The following FANCD2 variants were observed in gnomAD, a reference collection of about 807,000 sequenced individuals.
FANCD2 encodes FA complementation group D2.
FANCD2 carries 131 observed loss-of-function variants against 192.3 expected under a neutral mutation model. The observed-to-expected ratio is 0.68, with a 90% CI of 0.59 to 0.79. The LOEUF (loss-of-function observed/expected upper bound fraction) is 0.79. Among genes scored for constraint, FANCD2 ranks in the 30% least tolerant of loss-of-function variants. FANCD2 has a pLI of 0.00. For synonymous variants in FANCD2, 524 were observed against 612.5 expected (o/e 0.86, Z 2.13); for missense variants, 1,508 against 1,701.6 (o/e 0.89, Z 2.00).
chr3:10,057,371 CT>C (rs1186883895), intron 18 of FANCD2, among the ~76,000 whole-genome samples: 154 of 141,602 alleles, frequency 1.1e-3, no homozygotes, highest in Non-Finnish European at 9.2e-4. Flanking sequence ...TTCTTTCTTT[CT>C]TTTTTTTTTT....
chr3:10,093,096 C>G (rs965577348), intron 38 of FANCD2, among the ~76,000 whole-genome samples, 189 bp from the exon 39 acceptor site: 3 of 152,176 alleles, frequency 2.0e-5, no homozygotes, highest in African/African-American at 4.8e-5. Context: ...TTGCTCGTCT[C>G]TTCCTTTTCT....
intron 34 of FANCD2, 103 bp downstream of exon 34, chr3:10,087,367 C>T (rs1209222675): frequency 9.0e-7 from 1 of 1,107,884 alleles, no homozygotes; most frequent in Non-Finnish European, 1.3e-6. Flanking sequence ...ACATGTAAAT[C>T]CCCACATAAC....
intron 40 of FANCD2, chr3:10,094,776 A>G (rs1325165645): frequency 3.2e-6 from 1 of 313,512 alleles, no homozygotes; most frequent in Non-Finnish European, 6.1e-6. Flanking sequence ...ACAGTTTTTT[A>G]GCCAATGGCA....
In FANCD2 at chr3:10,067,061, G is replaced by C. The variant is rs3895942; in HGVS notation, c.2386-148G>C. On this transcript the variant is annotated intron_variant, in intron 25 of 43. Transcript: ENST00000675286. ...ATTTTGGGCCAGAGATTTTTTTTCT[G>C]TATACCACGTTGTTGAGGACAGTTC... is the stretch of plus-strand genomic sequence containing the variant. 0.18 allele frequency: 113,815 copies of C among 641,450 alleles called. 12,306 individuals are homozygous for C. Among genetic ancestry groups the C allele is most frequent in the African/African-American group, 0.41 (22,575 of 54,718 alleles). The allele number at this position is 641,450 out of a possible 1,614,324, so 39.7% of individuals were successfully genotyped here. A position where few individuals can be genotyped will look rare whatever the true frequency, so the allele number is the denominator to read the frequency against.
At chr3:10,092,579 C>T (rs995629980) in intron 38 of FANCD2, among the ~76,000 whole-genome samples, 4 of 151,926 alleles carry the variant, frequency 2.6e-5, no homozygotes, top group African/African-American at 9.7e-5. Context: ...CCCTGAATGC[C>T]CTCGTTCTCC....
At position 10,085,862 on chromosome 3, in the gene FANCD2, A is replaced by G. The variant is rs765672800; in HGVS notation, c.3275A>G (p.His1092Arg). The G allele has an allele frequency of 3.1e-6, 5 of 1,613,942 alleles. No individual in the cohort carries two copies. Among genetic ancestry groups the G allele is most frequent in the South Asian group, 2.2e-5 (2 of 91,082 alleles). ...ENQNLLYSAL[H>R]VLSSRLKQGE... Reference sequence around the variant, plus strand: ...CAGAATTTACTGTATTCAGCCCTCCATGTCCTTAGTAGCCGACTGAAACAG... The same window carrying G: ...CAGAATTTACTGTATTCAGCCCTCCGTGTCCTTAGTAGCCGACTGAAACAG... Residue 1092 changes from histidine (H) to arginine (R), a missense_variant, in exon 33 of 44, where the codon CAT becomes CGT. Physicochemically the swap from His to Arg is conservative, Grantham distance 29. Transcript: ENST00000675286.
chr3:10,036,367 A>T (rs745686606), intron 7 of FANCD2, 28 bp downstream of exon 7: 2 of 1,542,398 alleles, frequency 1.3e-6, no homozygotes, highest in Non-Finnish European at 1.8e-6. Flanking sequence ...GGAATGTTCA[A>T]AGTACCCTGA....
rs766748480 is a variant in FANCD2 at position 10,098,691 on chromosome 3, C to T, written c.4186-29C>T. ...TACCCTAAATGTGATCATTATAACC[C>T]ACCATTTTCTTGGTCCATTCACATT... On this transcript the variant is annotated intron_variant, in intron 42 of 43. Transcript: ENST00000675286. The T allele has an allele frequency of 3.1e-6, 5 of 1,613,166 alleles. No homozygotes were observed. In the East Asian group the frequency reaches 1.1e-4, roughly 36 times the overall value.
At chr3:10,031,928 C>G (rs1181161555) in intron 2 of FANCD2, among the ~76,000 whole-genome samples, 1 of 152,108 alleles carries the variant, frequency 6.6e-6, no homozygotes, top group African/African-American at 2.4e-5. Flanking sequence ...CTCACTGCAA[C>G]CTCTGCCTCC....
At chr3:10,077,579 A>G (rs1176209530) in intron 29 of FANCD2, among the ~76,000 whole-genome samples, 1 of 151,980 alleles carries the variant, frequency 6.6e-6, no homozygotes, top group Non-Finnish European at 1.5e-5. Context: ...TTTTTCACCC[A>G]TTGGGAAGTA....
At chr3:10,040,116 C>T in intron 9 of FANCD2, 1 of 435,212 alleles carries the variant, frequency 2.3e-6, no homozygotes, top group Non-Finnish European at 4.1e-6. Context: ...CTCACTGCAA[C>T]CTCCGCCTCC....
chr3:10,054,888 T>G (rs1430494810), intron 18 of FANCD2, among the ~76,000 whole-genome samples: 2 of 151,966 alleles, frequency 1.3e-5, no homozygotes, highest in Non-Finnish European at 2.9e-5. Flanking sequence ...AATATACATG[T>G]GTCATACAAA....
intron 2 of FANCD2, among the ~76,000 whole-genome samples, chr3:10,031,920 C>T (rs2086612504): frequency 6.6e-6 from 1 of 152,138 alleles, no homozygotes; most frequent in Non-Finnish European, 1.5e-5. Context: ...GATCTGGGCT[C>T]ACTGCAACCT....
chr3:10,051,397 AAAAAAAAAAACAAAAAGGAGT>A (rs1469912201), intron 17 of FANCD2, among the ~76,000 whole-genome samples: 2 of 10,452 alleles, frequency 1.9e-4, no homozygotes, highest in African/African-American at 3.1e-3. Flanking sequence ...AAAAAAAAAA[AAAAAAAAAAACAAAAAGGAGT>A]GAGGGATTTA....
intron 38 of FANCD2, among the ~76,000 whole-genome samples, chr3:10,092,714 G>T (rs1694724075): frequency 8.2e-6 from 1 of 121,994 alleles, no homozygotes; most frequent in African/African-American, 3.5e-5. Context: ...TTTTTTTGAG[G>T]CAGGGTCTCA....
intron 18 of FANCD2, among the ~76,000 whole-genome samples, chr3:10,054,386 T>C (rs143257772): frequency 0.024 from 2,598 of 109,986 alleles, 53 homozygotes; most frequent in African/African-American, 0.067. Flanking sequence ...TACATATATA[T>C]ATGTATATAC....
intron 43 of FANCD2, among the ~76,000 whole-genome samples, chr3:10,100,059 A>G (rs999975137): frequency 1.3e-5 from 2 of 152,034 alleles, no homozygotes; most frequent in South Asian, 4.2e-4. Flanking sequence ...ATGGTGACGC[A>G]TGCCTGTGGT....
intron 14 of FANCD2, 134 bp downstream of exon 14, chr3:10,043,998 A>C (rs1374182890): frequency 1.5e-5 from 11 of 737,982 alleles, no homozygotes; most frequent in Non-Finnish European, 2.6e-5. Flanking sequence ...GCTCTAATAA[A>C]CATTAGCTGT....
rs2125050162 is a variant in FANCD2 at position 10,074,628 on chromosome 3, T to C, written c.2814T>C (p.Cys938=). The change falls in exon 29 of 44, where the codon TGT becomes TGC. Residue 938 remains cysteine, a synonymous_variant. Transcript: ENST00000675286. ...TTGAGGTCTTCTCTATTCTACATTG[T>C]GGACTTGTGACGAAGTTCATCTTAG... ...LDIEVFSILH[C]GLVTKFILDT... The C allele has an allele frequency of 6.2e-7, 1 of 1,613,868 alleles. No homozygotes were observed. Among genetic ancestry groups the C allele is most frequent in the Non-Finnish European group, 8.5e-7 (1 of 1,179,844 alleles).
Sources: gnomAD v4.1 joint callset for allele counts (sites outside exome capture counted in the v4.1 genomes callset) on GRCh38, gnomAD v4.1.1 for gene constraint, MANE v1.5 for transcripts, NCBI Gene and HGNC (gene_info 2026-07-23, HGNC 2026-07-21) for gene names.